MALRD1: variants seen among roughly 807,000 people sequenced by gnomAD.
MALRD1 encodes the protein MAM and LDL-receptor class A domain-containing protein 1.
MALRD1 carries 247 observed loss-of-function variants against 242.1 expected under a neutral mutation model. The ratio of observed to expected loss-of-function variants is 1.02; its 90% CI spans 0.92 to 1.13. MALRD1 has a LOEUF of 1.13. MALRD1 is among the 50% of genes most tolerant of loss of function. The pLI is 0.00. For missense variants in MALRD1, 2,989 were observed against 2,533.1 expected (o/e 1.18, Z -3.86); for synonymous variants, 995 against 866.6 (o/e 1.15, Z -2.60).
At chr10:19,093,892 G>A (rs976385835) in intron 4 of MALRD1, among the ~76,000 whole-genome samples, 1 of 97,876 alleles carries the variant, frequency 1.0e-5, no homozygotes, top group Non-Finnish European at 2.1e-5. Context: ...GTGCCTCCCA[G>A]TTAGGCTGCT....
chr10:19,183,945 G>A (rs1387997084), intron 14 of MALRD1, among the ~76,000 whole-genome samples: 1 of 152,156 alleles, frequency 6.6e-6, no homozygotes, highest in African/African-American at 2.4e-5. Flanking sequence ...ACCACACACT[G>A]ATGATGATGT....
intron 32 of MALRD1, among the ~76,000 whole-genome samples, chr10:19,532,297 C>G (rs1237070088): frequency 2.0e-5 from 3 of 152,058 alleles, no homozygotes; most frequent in African/African-American, 7.2e-5. Context: ...CTCTGTCGCC[C>G]CGACTGAAGT....
intron 32 of MALRD1, among the ~76,000 whole-genome samples, chr10:19,553,383 T>TG (rs376309562): frequency 1.6e-3 from 245 of 152,296 alleles, no homozygotes; most frequent in African/African-American, 5.6e-3. Flanking sequence ...TCAAGACATT[T>TG]GGTTGTGCTG....
chr10:19,734,150 T>G lies in MALRD1; in HGVS notation c.6391-7T>G. ...TCCACCCTTTCAAATGTGTTTTTCTTCGTCAGAGTTCTGTCTATTCCTTCT... is the reference window on the plus strand; with the variant it reads ...TCCACCCTTTCAAATGTGTTTTTCTGCGTCAGAGTTCTGTCTATTCCTTCT... On this transcript the variant is annotated splice_region_variant and splice_polypyrimidine_tract_variant and intron_variant, in intron 39 of 39. Transcript: ENST00000454679. The G allele has an allele frequency of 6.5e-7, 1 of 1,529,148 alleles. No individual in the cohort carries two copies. The highest frequency in any genetic ancestry group is 8.7e-7 in the Non-Finnish European group (1 of 1,144,338). 94.7% of individuals were successfully genotyped at this position (1,529,148 alleles called of 1,614,324 possible).
chr10:19,152,130 G>A (rs1833964968), intron 11 of MALRD1, among the ~76,000 whole-genome samples: 1 of 152,052 alleles, frequency 6.6e-6, no homozygotes, highest in Non-Finnish European at 1.5e-5. Context: ...GGGGTATGTG[G>A]GTGTGTGAGA....
At chr10:19,625,486 A>G (rs775553281) in intron 36 of MALRD1, among the ~76,000 whole-genome samples, 1 of 152,092 alleles carries the variant, frequency 6.6e-6, no homozygotes, top group African/African-American at 2.4e-5. Flanking sequence ...ACCCATAAGC[A>G]TACAGATCAT....
intron 32 of MALRD1, among the ~76,000 whole-genome samples, chr10:19,553,326 T>C (rs1011427895): frequency 2.0e-5 from 3 of 152,316 alleles, no homozygotes; most frequent in African/African-American, 7.2e-5. Flanking sequence ...TGGATATATG[T>C]ATATATTGAA....
chr10:19,351,934 A>G, intron 25 of MALRD1, 72 bp from the exon 26 acceptor site: 1 of 1,292,872 alleles, frequency 7.7e-7, no homozygotes, highest in East Asian at 2.5e-5. Context: ...GGGCAATGTG[A>G]TAGAATTGAA....
intron 30 of MALRD1, among the ~76,000 whole-genome samples, chr10:19,495,882 C>G (rs1035619415): frequency 6.6e-6 from 1 of 152,098 alleles, no homozygotes; most frequent in Non-Finnish European, 1.5e-5. Context: ...AGGAGAAAAA[C>G]CTACCAAGCA....
intron 30 of MALRD1, among the ~76,000 whole-genome samples, chr10:19,498,083 CTT>C (rs1464589203): frequency 6.6e-6 from 1 of 152,198 alleles, no homozygotes; most frequent in Non-Finnish European, 1.5e-5. Flanking sequence ...GAGTAAATGA[CTT>C]TGCGTCGCTA....
chr10:19,244,213 T>C (rs944688385), intron 18 of MALRD1, among the ~76,000 whole-genome samples: 1 of 152,174 alleles, frequency 6.6e-6, no homozygotes, highest in African/African-American at 2.4e-5. Context: ...ATTCTTCAAC[T>C]CACTGGTTCC....
intron 29 of MALRD1, among the ~76,000 whole-genome samples, chr10:19,461,901 A>G (rs981490242): frequency 1.3e-5 from 2 of 152,056 alleles, no homozygotes; most frequent in African/African-American, 4.8e-5. Flanking sequence ...CCGTACATAA[A>G]GAAAACATGA....
At chr10:19,286,518 T>G (rs1445190241) in intron 21 of MALRD1, among the ~76,000 whole-genome samples, 1 of 152,154 alleles carries the variant, frequency 6.6e-6, no homozygotes, top group Non-Finnish European at 1.5e-5. Flanking sequence ...AATCATGTGG[T>G]TTTTGTCTTT....
intron 36 of MALRD1, among the ~76,000 whole-genome samples, chr10:19,683,148 A>G (rs1204551928): frequency 6.6e-6 from 1 of 152,110 alleles, no homozygotes; most frequent in East Asian, 1.9e-4. Flanking sequence ...AAAAAAAAGA[A>G]AGAAGTTTTC....
At position 19,450,255 on chromosome 10, in the gene MALRD1, C is replaced by A. The variant is rs1835245926; in HGVS notation, c.4846-52C>A. ...AACTGGGTTTTGCCCCACACTGCATCATCTTCTTTTGTGTTTGATTATTTC... is the reference window on the plus strand; with the variant it reads ...AACTGGGTTTTGCCCCACACTGCATAATCTTCTTTTGTGTTTGATTATTTC... On this transcript the variant is annotated intron_variant, in intron 28 of 39. Coordinates refer to ENST00000454679, the MANE Select transcript of MALRD1 (RefSeq NM_001142308.3). 18 of 1,466,258 alleles carry A rather than the reference C, an allele frequency of 1.2e-5. No homozygotes were observed. In the South Asian group the frequency reaches 2.2e-4, roughly 18 times the overall value. The allele number at this position is 1,466,258 out of a possible 1,614,324, so 90.8% of individuals were successfully genotyped here.
At chr10:19,051,775 A>T (rs151192694) in intron 1 of MALRD1, 1 of 156,958 alleles carries the variant, frequency 6.4e-6, no homozygotes, top group Admixed American at 6.5e-5. Flanking sequence ...ACAAAAAATT[A>T]TCAGGGTGTG....
Position 19,216,394 on chromosome 10 carries a change from C to T in MALRD1, c.2991+6714C>T, listed in dbSNP as rs140434474. ...GCCTCCCAAAGCGCTGGGATTAAGGCATGAGCCACTATACCTAGCTTTCTA... is the reference window on the plus strand; with the variant it reads ...GCCTCCCAAAGCGCTGGGATTAAGGTATGAGCCACTATACCTAGCTTTCTA... On this transcript the variant is annotated intron_variant, in intron 18 of 39. Transcript: ENST00000454679. Among the ~76,000 whole-genome samples, 332 of 152,008 alleles carry T rather than the reference C, an allele frequency of 2.2e-3. 1 individual carries two copies. Among genetic ancestry groups the T allele is most frequent in the South Asian group, 4.8e-3 (23 of 4,806 alleles).
chr10:19,393,647 A>G (rs567468967), intron 28 of MALRD1, among the ~76,000 whole-genome samples: 10 of 146,400 alleles, frequency 6.8e-5, no homozygotes, highest in Non-Finnish European at 1.4e-4. Flanking sequence ...TAGTAGAGAC[A>G]GAGTTTCACC....
intron 28 of MALRD1, among the ~76,000 whole-genome samples, chr10:19,391,649 C>T (rs114726799): frequency 0.023 from 3,440 of 152,272 alleles, 47 homozygotes; most frequent in Middle Eastern, 0.034. Context: ...CGCACCCAAT[C>T]GGGAAGACTC....
Sources: gnomAD v4.1 joint callset for allele counts (sites outside exome capture counted in the v4.1 genomes callset) on GRCh38, gnomAD v4.1.1 for gene constraint, MANE v1.5 for transcripts, NCBI Gene and HGNC (gene_info 2026-07-23, HGNC 2026-07-21) for gene names.